KATNAL2: variants seen among roughly 807,000 people sequenced by gnomAD.
KATNAL2 encodes the protein katanin p60 ATPase-containing subunit A-like 2.
A neutral mutation model predicts 76.3 loss-of-function variants in KATNAL2; 52 were observed. The observed-to-expected ratio is 0.68, with a 90% CI of 0.55 to 0.86. KATNAL2 has a LOEUF of 0.86. Ranked by LOEUF, KATNAL2 falls within the 40% of genes least tolerant of loss-of-function variation. The pLI is 0.00. For missense variants in KATNAL2, 660 were observed against 668.9 expected (o/e 0.99, Z 0.15); for synonymous variants, 243 against 244.2 (o/e 1.00, Z 0.05).
intron 1 of KATNAL2, among the ~76,000 whole-genome samples, chr18:46,943,259 TTTGTCAGGCATTTGAACTACAGCA>T (rs1371034250): frequency 1.3e-5 from 2 of 152,134 alleles, no homozygotes; most frequent in African/African-American, 4.8e-5. Context: ...TTCCAGTAAT[TTTGTCAGGCATTTGAACTACAGCA>T]ACTCAATCTT....
chr18:47,046,933 C>T (rs2147062920), intron 4 of KATNAL2, among the ~76,000 whole-genome samples: 1 of 152,268 alleles, frequency 6.6e-6, no homozygotes, highest in Middle Eastern at 3.4e-3. Flanking sequence ...CCCAACAACC[C>T]AGACATACAC....
At chr18:47,058,389 C>T (rs769765983) in intron 7 of KATNAL2, 37 bp downstream of exon 7, 63 of 1,211,126 alleles carry the variant, frequency 5.2e-5, no homozygotes, top group Non-Finnish European at 7.5e-5. Context: ...GAACAGCACA[C>T]TTGGCTGAAA....
chr18:47,039,384 C>T (rs943125788), intron 3 of KATNAL2, among the ~76,000 whole-genome samples: 2 of 152,268 alleles, frequency 1.3e-5, no homozygotes, highest in South Asian at 4.1e-4. Flanking sequence ...CCTGCCATCC[C>T]CTCCACCCAC....
intron 14 of KATNAL2, among the ~76,000 whole-genome samples, chr18:47,075,925 G>A (rs1332624820): frequency 1.3e-5 from 2 of 152,214 alleles, no homozygotes; most frequent in African/African-American, 4.8e-5. Context: ...TCAGCAGGCA[G>A]GAACACTTCT....
chr18:46,922,465 T>A (rs1304235426), intron 1 of KATNAL2, among the ~76,000 whole-genome samples: 2 of 151,686 alleles, frequency 1.3e-5, no homozygotes, highest in Admixed American at 6.6e-5. Flanking sequence ...ATCACTTGAC[T>A]AGCCTTTTAA....
At chr18:46,938,764 A>T (rs1265460515) in intron 1 of KATNAL2, among the ~76,000 whole-genome samples, 2 of 152,160 alleles carry the variant, frequency 1.3e-5, no homozygotes, top group African/African-American at 4.8e-5. Flanking sequence ...CAAATGCCTT[A>T]TCACATTCCG....
intron 6 of KATNAL2, among the ~76,000 whole-genome samples, chr18:47,057,572 C>T (rs1015129976): frequency 6.6e-6 from 1 of 152,212 alleles, no homozygotes; most frequent in Non-Finnish European, 1.5e-5. Context: ...CCATCTCCAT[C>T]AGAGTTAGCT....
In KATNAL2 at chr18:47,077,383, C is replaced by G. The variant is rs1377042595; in HGVS notation, c.1133C>G (p.Thr378Arg). 3 of 1,613,738 alleles carry G rather than the reference C, an allele frequency of 1.9e-6. No homozygotes were observed. Among genetic ancestry groups the G allele is most frequent in the Non-Finnish European group, 2.5e-6 (3 of 1,179,816 alleles). The change falls in exon 15 of 18, where the codon ACA (threonine) becomes AGA (arginine). Residue 378 changes from threonine to arginine, a missense_variant. Thr to Arg is a moderately conservative substitution (Grantham distance 71). Coordinates refer to ENST00000683218, the MANE Select transcript of KATNAL2 (RefSeq NM_001387690.1). ...GEHEGSLRMK[T>R]ELLVQMDGLA... is the part of the protein sequence containing the mutation. ...CATGAAGGAAGCCTGCGGATGAAGA[C>G]AGAGTTACTGGTGCAGATGGATGGG...
In KATNAL2 at chr18:46,917,606, C is replaced by G. The variant is rs1352858271; in HGVS notation, c.-830C>G. 1.0e-6 allele frequency: 1 copy of G among 997,900 alleles called. No individual in the cohort carries two copies. Among genetic ancestry groups the G allele is most frequent in the African/African-American group, 1.7e-5 (1 of 57,552 alleles). 61.8% of individuals were successfully genotyped at this position (997,900 alleles called of 1,614,324 possible). ...CCGCCTTCCGCCCGCGCCTTCAGTC[C>G]GCGCGGCGACAGCGCCCGCCCGCGC... On this transcript the variant is annotated 5_prime_UTR_variant, in exon 1 of 18. Transcript: ENST00000683218.
At chr18:46,959,585 T>G (rs1012390431) in intron 3 of KATNAL2, among the ~76,000 whole-genome samples, 15 of 152,216 alleles carry the variant, frequency 9.9e-5, no homozygotes. Context: ...TAATTTAATT[T>G]TTTTTGGAGA....
chr18:46,954,761 A>T (rs981211556), intron 3 of KATNAL2, among the ~76,000 whole-genome samples: 1 of 152,068 alleles, frequency 6.6e-6, no homozygotes, highest in African/African-American at 2.4e-5. Flanking sequence ...CTCCCACCTC[A>T]GCCTCCAGAG....
At chr18:47,070,265 T>C (rs1157281098) in intron 13 of KATNAL2, among the ~76,000 whole-genome samples, 1 of 151,838 alleles carries the variant, frequency 6.6e-6, no homozygotes, top group African/African-American at 2.4e-5. Flanking sequence ...CCCAGCTAAT[T>C]TTTTTTGTAT....
At chr18:47,059,781 G>A (rs1228539552) in intron 8 of KATNAL2, 127 bp downstream of exon 8, 3 of 677,480 alleles carry the variant, frequency 4.4e-6, no homozygotes, top group Non-Finnish European at 7.7e-6. Flanking sequence ...TTGGCTGTGA[G>A]GTAAATGGAG....
At position 46,946,154 on chromosome 18, in the gene KATNAL2, G is replaced by A; in HGVS notation, c.-412G>A. On this transcript the variant is annotated 5_prime_UTR_variant, in exon 2 of 18. It introduces an in-frame stop codon into an upstream open reading frame of the 5' UTR. Transcript: ENST00000683218. ...AAGATAATGATGAAGGGATAATTTG[G>A]AATAGGATTCACAGCAAGAGAGACA... is the stretch of plus-strand genomic sequence containing the variant. 1 of 917,650 alleles carries A rather than the reference G, an allele frequency of 1.1e-6. No individual in the cohort carries two copies. The highest frequency in any genetic ancestry group is 1.3e-6 in the Non-Finnish European group (1 of 762,342). The allele number at this position is 917,650 out of a possible 1,614,324, so 56.8% of individuals were successfully genotyped here.
chr18:47,025,101 C>A (rs1158581052), intron 3 of KATNAL2, among the ~76,000 whole-genome samples: 2 of 94,226 alleles, frequency 2.1e-5, no homozygotes, highest in Admixed American at 1.1e-4. Context: ...AGCATCTCCC[C>A]CCCCCACCCC....
chr18:47,078,142 C>T (rs1275226244), intron 15 of KATNAL2, among the ~76,000 whole-genome samples: 2 of 152,126 alleles, frequency 1.3e-5, no homozygotes, highest in East Asian at 3.8e-4. Context: ...GAATGCTGTT[C>T]TTCCCATTCT....
At chr18:46,953,392 C>A (rs1376599184) in intron 3 of KATNAL2, among the ~76,000 whole-genome samples, 2 of 152,174 alleles carry the variant, frequency 1.3e-5, no homozygotes, top group African/African-American at 4.8e-5. Context: ...CTAATGCCAA[C>A]ACTTTGGGAG....
chr18:47,042,999 G>A (rs1363612441), intron 3 of KATNAL2, among the ~76,000 whole-genome samples: 2 of 152,052 alleles, frequency 1.3e-5, no homozygotes. Flanking sequence ...AGGCCAAGGC[G>A]GGCGGATCAC....
intron 3 of KATNAL2, chr18:47,034,884 C>A: frequency 1.6e-5 from 25 of 1,612,128 alleles, no homozygotes; most frequent in Non-Finnish European, 2.1e-5. Context: ...TCCGTCTGTG[C>A]TCAGGGCTGT....
Sources: allele counts gnomAD v4.1 joint callset (sites outside exome capture counted in the v4.1 genomes callset), GRCh38; gene constraint gnomAD v4.1.1; transcripts MANE v1.5; gene names NCBI Gene and HGNC (gene_info 2026-07-23, HGNC 2026-07-21).